Variants in PDE10A observed in about 807,000 individuals in gnomAD.
PDE10A encodes the protein phosphodiesterase 10A, also known as cAMP and cAMP-inhibited cGMP 3',5'-cyclic phosphodiesterase 10A.
Under a neutral mutation model 97.7 loss-of-function variants are expected in PDE10A, and 39 were observed. The observed-to-expected ratio is 0.40, with a 90% CI of 0.31 to 0.52. The LOEUF (loss-of-function observed/expected upper bound fraction) is 0.52. Among genes scored for constraint, PDE10A ranks in the 20% least tolerant of loss-of-function variants. PDE10A has a pLI of 0.56. For missense variants in PDE10A, 731 were observed against 1,047.8 expected (o/e 0.70, Z 4.17); for synonymous variants, 371 against 376.8 (o/e 0.98, Z 0.18).
intron 18 of PDE10A, among the ~76,000 whole-genome samples, chr6:165,356,465 T>G (rs1417760679): frequency 6.6e-6 from 1 of 152,208 alleles, no homozygotes; most frequent in African/African-American, 2.4e-5. Flanking sequence ...ACATAAATAC[T>G]GAGAATATTT....
At chr6:165,770,163 C>CAA (rs11442419) in intron 1 of PDE10A, among the ~76,000 whole-genome samples, 1,453 of 127,882 alleles carry the variant, frequency 0.011, 47 homozygotes, top group African/African-American at 0.031. Flanking sequence ...TGCAAAAGGG[C>CAA]AAAAAAAAAA....
At chr6:165,619,735 T>C (rs1278896094) in intron 1 of PDE10A, among the ~76,000 whole-genome samples, 2 of 151,342 alleles carry the variant, frequency 1.3e-5, no homozygotes, top group East Asian at 3.9e-4. Context: ...TAGTGTAGTG[T>C]AGTCTAGTGC....
chr6:165,342,072 T>C (rs1445026564), intron 19 of PDE10A, among the ~76,000 whole-genome samples: 1 of 152,236 alleles, frequency 6.6e-6, no homozygotes, highest in Admixed American at 6.5e-5. Flanking sequence ...TAAGTGTGTA[T>C]ATAAGTTTTG....
At chr6:165,748,900 C>A (rs1055844043) in intron 1 of PDE10A, among the ~76,000 whole-genome samples, 5 of 152,058 alleles carry the variant, frequency 3.3e-5, no homozygotes, top group Admixed American at 2.6e-4. Flanking sequence ...GTGGGACCAT[C>A]TGGAGACCAC....
chr6:165,844,068 G>A (rs570632842), intron 1 of PDE10A, among the ~76,000 whole-genome samples: 13 of 152,258 alleles, frequency 8.5e-5, no homozygotes, highest in African/African-American at 3.1e-4. Context: ...CAGGTGTGGG[G>A]TACCTCGCAG....
At chr6:165,430,540 C>G (rs1789476139) in intron 8 of PDE10A, among the ~76,000 whole-genome samples, 195 bp from the exon 9 acceptor site, 1 of 152,044 alleles carries the variant, frequency 6.6e-6, no homozygotes. Context: ...TAAGCACTTT[C>G]TATTTATTGT....
rs373722180 is a variant in PDE10A, at chr6:165,358,479, T to C, written c.2784-14977A>G. The stretch of plus-strand genomic sequence containing the variant: ...CTGGCAATGTTTCCTATCTTAAAGA[T>C]TATTTTGTACAATTTTAATATAGGT... On this transcript the variant is annotated intron_variant, in intron 18 of 21. Transcript: ENST00000539869. Among the ~76,000 whole-genome samples, 3 of 151,244 alleles carry C rather than the reference T, an allele frequency of 2.0e-5. No homozygotes were observed. The South Asian group carries it at 6.3e-4, about 32-fold the overall frequency.
chr6:165,418,763 G>A lies in PDE10A; in HGVS notation c.1668C>T (p.Asn556=). The change falls in exon 11 of 22, where the codon AAC becomes AAT. Residue 556 remains asparagine (N), a synonymous_variant. Coordinates refer to ENST00000539869, the MANE Select transcript of PDE10A (RefSeq NM_001385079.1). This position sits in a 1 kb window ranked among gnomAD's most constrained non-coding sequence, Gnocchi z 4.8. ...GCGCACAACGATCGGCATTCACCAG[G>A]TTTTTTGCATATATCTAAAGACAAA... ...LLEHIMIYAK[N]LVNADRCALF... The A allele has an allele frequency of 1.2e-6, 2 of 1,613,184 alleles. No individual in the cohort carries two copies. Among genetic ancestry groups the A allele is most frequent in the Non-Finnish European group, 1.7e-6 (2 of 1,179,690 alleles).
chr6:165,424,405 A>C (rs1437076302), intron 10 of PDE10A, among the ~76,000 whole-genome samples: 1 of 152,218 alleles, frequency 6.6e-6, no homozygotes, highest in Non-Finnish European at 1.5e-5. Flanking sequence ...ACAGATTCCC[A>C]AGAAACATTA....
intron 1 of PDE10A, among the ~76,000 whole-genome samples, chr6:165,555,736 A>G (rs1208160752): frequency 6.6e-6 from 1 of 152,180 alleles, no homozygotes; most frequent in East Asian, 1.9e-4. Context: ...ATTAACTGGA[A>G]GGTGTACCCA....
chr6:165,606,867 T>A (rs1787236062), intron 1 of PDE10A, among the ~76,000 whole-genome samples: 1 of 152,070 alleles, frequency 6.6e-6, no homozygotes, highest in African/African-American at 2.4e-5. Context: ...GTTGAGGACT[T>A]TTCTGCTCTA....
chr6:165,908,210 G>A (rs540068050), intron 1 of PDE10A, among the ~76,000 whole-genome samples: 42 of 152,304 alleles, frequency 2.8e-4, no homozygotes, highest in African/African-American at 9.6e-4. Context: ...GAAGGAGTCG[G>A]GCTCTGTCCC....
intron 13 of PDE10A, among the ~76,000 whole-genome samples, chr6:165,407,693 T>G (rs1021126649): frequency 6.6e-6 from 1 of 152,258 alleles, no homozygotes; most frequent in African/African-American, 2.4e-5. Flanking sequence ...GTTAAATGTC[T>G]TTCTATCCAA....
intron 2 of PDE10A, among the ~76,000 whole-genome samples, chr6:165,524,756 G>C (rs933383363): frequency 6.6e-6 from 1 of 152,216 alleles, no homozygotes; most frequent in Non-Finnish European, 1.5e-5. Context: ...TGCAATGAAA[G>C]ATGCATGCAC....
chr6:165,946,174 T>C (rs1363068578), intron 1 of PDE10A, among the ~76,000 whole-genome samples: 1 of 152,200 alleles, frequency 6.6e-6, no homozygotes, highest in African/African-American at 2.4e-5. Flanking sequence ...AAGAGAGCTA[T>C]TGCAAAACAT....
At chr6:165,432,411 C>T (rs1026427561) in intron 7 of PDE10A, among the ~76,000 whole-genome samples, 2 of 152,088 alleles carry the variant, frequency 1.3e-5, no homozygotes, top group African/African-American at 2.4e-5. Context: ...GCCTGAGGAT[C>T]CAGCGTGGCT....
intron 1 of PDE10A, among the ~76,000 whole-genome samples, chr6:165,958,131 G>A (rs1344341185): frequency 6.6e-6 from 1 of 152,108 alleles, no homozygotes; most frequent in Non-Finnish European, 1.5e-5. Context: ...GGGATCCACT[G>A]GTTTAATGAG....
intron 1 of PDE10A, among the ~76,000 whole-genome samples, chr6:165,571,584 C>T (rs1785052008): frequency 6.6e-6 from 1 of 152,202 alleles, no homozygotes; most frequent in Admixed American, 6.5e-5. Flanking sequence ...AGATAGTTCT[C>T]TCATTTGTGA....
chr6:165,798,932 T>A (rs563507380), intron 1 of PDE10A, among the ~76,000 whole-genome samples: 2 of 152,346 alleles, frequency 1.3e-5, no homozygotes, highest in African/African-American at 2.4e-5. Context: ...GGTCTGGAAC[T>A]CCTGACCTCA....
Sources: gnomAD v4.1 joint callset for allele counts (sites outside exome capture counted in the v4.1 genomes callset) on GRCh38, gnomAD v4.1.1 for gene constraint, Gnocchi (gnomAD v3.1) non-coding constraint, MANE v1.5 for transcripts, NCBI Gene and HGNC (gene_info 2026-07-23, HGNC 2026-07-21) for gene names.